DMRT1: variants seen among roughly 807,000 people sequenced by gnomAD.
The protein encoded by DMRT1 is doublesex and mab-3 related transcription factor 1.
A neutral mutation model predicts 32.3 loss-of-function variants in DMRT1; 7 were observed. That is an observed-to-expected ratio of 0.22 (90% CI 0.12 to 0.41). The LOEUF is 0.41. Ranked by LOEUF, DMRT1 falls within the 10% of genes least tolerant of loss-of-function variation. The pLI is 1.00. For synonymous variants in DMRT1, 278 were observed against 206.1 expected, an observed-to-expected ratio of 1.35 and a Z score of -2.99; for missense variants, 625 against 500.5, an observed-to-expected ratio of 1.25 and a Z score of -2.37.
intron 4 of DMRT1, among the ~76,000 whole-genome samples, chr9:942,166 G>A (rs1819096111): frequency 1.3e-5 from 2 of 152,174 alleles, no homozygotes; most frequent in Non-Finnish European, 2.9e-5. Flanking sequence ...GAGATGGGGG[G>A]TAAATCTTTT....
intron 3 of DMRT1, among the ~76,000 whole-genome samples, chr9:907,350 T>C (rs1488197784): frequency 6.6e-6 from 1 of 152,182 alleles, no homozygotes; most frequent in African/African-American, 2.4e-5. Context: ...GTATTTTAGA[T>C]TTGTGAACTA....
chr9:925,908 A>G (rs965729446), intron 4 of DMRT1, among the ~76,000 whole-genome samples: 1 of 152,214 alleles, frequency 6.6e-6, no homozygotes, highest in Non-Finnish European at 1.5e-5. Context: ...TCACTGGGCT[A>G]CAGTCTAGCA....
intron 4 of DMRT1, among the ~76,000 whole-genome samples, chr9:939,944 G>A (rs935266827): frequency 3.3e-5 from 5 of 152,036 alleles, no homozygotes; most frequent in African/African-American, 1.2e-4. Flanking sequence ...AAATGGCCAA[G>A]AAGCACATGA....
chr9:910,125 G>A (rs1457138133), intron 3 of DMRT1, among the ~76,000 whole-genome samples: 1 of 152,100 alleles, frequency 6.6e-6, no homozygotes, highest in Non-Finnish European at 1.5e-5. Context: ...ATTACTTAGA[G>A]CCTCCAGTGA....
intron 3 of DMRT1, among the ~76,000 whole-genome samples, chr9:905,786 G>A (rs997587605): frequency 1.3e-5 from 2 of 152,180 alleles, no homozygotes; most frequent in Middle Eastern, 6.8e-3. Context: ...CGGGCTGTGA[G>A]CCTCCTTTTG....
chr9:916,704 T>C lies in DMRT1; in HGVS notation c.823-59T>C, dbSNP rs1818194733. Reference sequence around the variant, plus strand: ...TTGTTTTAAAGAACTAGATAATTATTGTACTAGTTGTGACATGCAATGTTG... The same window carrying C: ...TTGTTTTAAAGAACTAGATAATTATCGTACTAGTTGTGACATGCAATGTTG... On this transcript the variant is annotated intron_variant, in intron 3 of 4. Coordinates refer to ENST00000382276, the MANE Select transcript of DMRT1 (RefSeq NM_021951.3). 5 of 1,583,618 alleles carry C rather than the reference T, an allele frequency of 3.2e-6. No individual in the cohort carries two copies. The Admixed American group carries it at 5.0e-5, about 16-fold the overall frequency.
intron 4 of DMRT1, among the ~76,000 whole-genome samples, chr9:953,057 C>A (rs279874): frequency 6.6e-6 from 1 of 151,984 alleles, no homozygotes; most frequent in South Asian, 2.1e-4. Flanking sequence ...TTGTGGACTG[C>A]TACATGGTTA....
intron 4 of DMRT1, among the ~76,000 whole-genome samples, chr9:940,510 A>G (rs1819029289): frequency 6.6e-6 from 1 of 151,794 alleles, no homozygotes; most frequent in Non-Finnish European, 1.5e-5. Flanking sequence ...AAAAAAAATG[A>G]AGTTGGAGTC....
chr9:920,690 GA>G (rs1282981983), intron 4 of DMRT1, among the ~76,000 whole-genome samples: 1 of 152,206 alleles, frequency 6.6e-6, no homozygotes, highest in Admixed American at 6.5e-5. Flanking sequence ...TTAAAGAAGA[GA>G]GATTTTATAA....
At chr9:861,809 G>GCACTTT (rs1564203901) in intron 2 of DMRT1, among the ~76,000 whole-genome samples, 7 of 148,958 alleles carry the variant, frequency 4.7e-5, no homozygotes, top group Non-Finnish European at 8.9e-5. Context: ...GCCGGGCGGG[G>GCACTTT]GGGGGCTCCT....
chr9:955,581 C>G (rs1020226078), intron 4 of DMRT1, among the ~76,000 whole-genome samples: 1 of 152,140 alleles, frequency 6.6e-6, no homozygotes, highest in African/African-American at 2.4e-5. Flanking sequence ...TAGTGCATGC[C>G]TGTAGTCTCA....
intron 3 of DMRT1, among the ~76,000 whole-genome samples, chr9:915,999 C>T (rs1033260129): frequency 6.6e-6 from 1 of 152,146 alleles, no homozygotes; most frequent in African/African-American, 2.4e-5. Context: ...TCCCAAAGTG[C>T]TGGGATTACA....
chr9:884,936 C>T (rs1005977435), intron 2 of DMRT1, among the ~76,000 whole-genome samples: 2 of 152,354 alleles, frequency 1.3e-5, no homozygotes, highest in East Asian at 1.9e-4. Context: ...CACCACTACA[C>T]TCCAGCCTGG....
chr9:891,942 G>A (rs73374751), intron 2 of DMRT1, among the ~76,000 whole-genome samples: 3 of 152,182 alleles, frequency 2.0e-5, no homozygotes, highest in African/African-American at 7.2e-5. Flanking sequence ...AAGCACGGAG[G>A]ACACAGTGGT....
chr9:904,856 C>T (rs565475898), intron 3 of DMRT1, among the ~76,000 whole-genome samples: 23 of 151,578 alleles, frequency 1.5e-4, no homozygotes, highest in African/African-American at 5.3e-4. Flanking sequence ...GCAGGAGAAT[C>T]GCTTGGACCA....
At chr9:927,616 T>TTATATA (rs1022680877) in intron 4 of DMRT1, among the ~76,000 whole-genome samples, 3 of 152,310 alleles carry the variant, frequency 2.0e-5, no homozygotes, top group Admixed American at 2.0e-4. Flanking sequence ...GTATTTATAT[T>TTATATA]TATATATAGG....
chr9:896,857 T>C (rs749577326), intron 3 of DMRT1, among the ~76,000 whole-genome samples: 56 of 151,850 alleles, frequency 3.7e-4, no homozygotes, highest in Non-Finnish European at 6.5e-4. Context: ...TTCAAGAAAA[T>C]GTGAATTGAA....
At chr9:845,058 C>A (rs1009153544) in intron 1 of DMRT1, among the ~76,000 whole-genome samples, 1 of 152,084 alleles carries the variant, frequency 6.6e-6, no homozygotes, top group African/African-American at 2.4e-5. Context: ...TTTGATTTCA[C>A]CTTTGGCTTA....
intron 4 of DMRT1, among the ~76,000 whole-genome samples, chr9:918,870 G>T (rs1818267185): frequency 1.3e-5 from 2 of 152,190 alleles, no homozygotes; most frequent in Admixed American, 1.3e-4. Context: ...TATATTGCAT[G>T]AATTTTTACA....
Sources: gnomAD v4.1 joint callset for allele counts (sites outside exome capture counted in the v4.1 genomes callset) on GRCh38, gnomAD v4.1.1 for gene constraint, MANE v1.5 for transcripts, NCBI Gene and HGNC (gene_info 2026-07-23, HGNC 2026-07-21) for gene names.